DNM1L: variants seen among roughly 807,000 people sequenced by gnomAD.
The protein encoded by DNM1L is dynamin 1L.
In DNM1L, 33 loss-of-function variants were observed where a neutral mutation model predicts 92.8. The ratio of observed to expected loss-of-function variants is 0.36; its 90% CI spans 0.27 to 0.48. The LOEUF (loss-of-function observed/expected upper bound fraction) is 0.48. DNM1L is among the 20% of genes least tolerant of loss of function. DNM1L has a pLI of 0.99. For missense variants in DNM1L, 485 were observed against 888.8 expected (o/e 0.55, Z 5.78); for synonymous variants, 284 against 305.0 (o/e 0.93, Z 0.72).
intron 4 of DNM1L, among the ~76,000 whole-genome samples, chr12:32,710,682 AAAT>A (rs1439367049): frequency 6.6e-6 from 1 of 152,142 alleles, no homozygotes; most frequent in Non-Finnish European, 1.5e-5. Context: ...AAAGAATGTA[AAAT>A]AATACATGGT....
chr12:32,720,928 T>G lies in DNM1L; in HGVS notation c.872+133T>G, dbSNP rs139999934. 2.4e-4 allele frequency: 266 copies of G among 1,126,596 alleles called. 2 individuals carry two copies. The Middle Eastern group carries it at 3.8e-3, about 16-fold the overall frequency. 69.8% of individuals were successfully genotyped at this position (1,126,596 alleles called of 1,614,324 possible). On this transcript the variant is annotated intron_variant, in intron 8 of 19. Transcript: ENST00000549701. Reference sequence around the variant, plus strand: ...ACTTATGGTTTCTTATATAGTAGGTTCCTGAAGAGTAGATGTCTCTGTTTT... The same window carrying G: ...ACTTATGGTTTCTTATATAGTAGGTGCCTGAAGAGTAGATGTCTCTGTTTT...
At chr12:32,717,385 TATATA>T (rs1953489280) in intron 6 of DNM1L, among the ~76,000 whole-genome samples, 1 of 67,314 alleles carries the variant, frequency 1.5e-5, no homozygotes, top group African/African-American at 6.6e-5. Flanking sequence ...CTATATATAA[TATATA>T]GTATATATAA....
At chr12:32,699,518 C>T (rs1262538521) in intron 1 of DNM1L, among the ~76,000 whole-genome samples, 1 of 152,108 alleles carries the variant, frequency 6.6e-6, no homozygotes, top group Non-Finnish European at 1.5e-5. Flanking sequence ...CGGTATCCAT[C>T]TATCAAAGTA....
chr12:32,713,039 C>T (rs1175634348), intron 5 of DNM1L, among the ~76,000 whole-genome samples, 170 bp from the exon 6 acceptor site: 1 of 152,182 alleles, frequency 6.6e-6, no homozygotes, highest in Non-Finnish European at 1.5e-5. Flanking sequence ...CACTTTGAGA[C>T]TTGACACATT....
chr12:32,721,874 A>G (rs1398374691), intron 8 of DNM1L, among the ~76,000 whole-genome samples: 1 of 152,158 alleles, frequency 6.6e-6, no homozygotes, highest in East Asian at 1.9e-4. Context: ...GGTCAGGGAA[A>G]CACTACTTAG....
rs988711084 is a variant in DNM1L, at chr12:32,731,744, A to G, written c.1357-110A>G. ...GTTAGCCTGGCATGGTGGCTTCTAC[A>G]TGTAGTCTCAGCTACTTGGGAGGCT... On this transcript the variant is annotated intron_variant, in intron 11 of 19. Transcript: ENST00000549701. The surrounding 1 kb of genome is among the most constrained non-coding windows in gnomAD (Gnocchi z 5.1). 10 of 1,017,826 alleles carry G rather than the reference A, an allele frequency of 9.8e-6. No homozygotes were observed. The highest frequency in any genetic ancestry group is 1.6e-5 in the African/African-American group (1 of 62,486). The allele number at this position is 1,017,826 out of a possible 1,614,324, so 63.0% of individuals were successfully genotyped here. A position where few individuals can be genotyped will look rare whatever the true frequency, so the allele number is the denominator to read the frequency against.
intron 1 of DNM1L, among the ~76,000 whole-genome samples, chr12:32,683,509 C>T (rs1350080088): frequency 3.3e-5 from 5 of 150,798 alleles, no homozygotes; most frequent in Non-Finnish European, 7.4e-5. Context: ...TGAGCCACTG[C>T]ACCTAGCCTA....
At chr12:32,699,796 CAAAAA>C (rs34943495) in intron 1 of DNM1L, among the ~76,000 whole-genome samples, 2 of 73,592 alleles carry the variant, frequency 2.7e-5, no homozygotes, top group East Asian at 5.1e-4. Flanking sequence ...GACTCCATCT[CAAAAA>C]AAAAAAAAAA....
At chr12:32,718,122 G>GTA (rs971503746) in intron 6 of DNM1L, among the ~76,000 whole-genome samples, 3 of 134,762 alleles carry the variant, frequency 2.2e-5, no homozygotes, top group Non-Finnish European at 4.6e-5. Flanking sequence ...ATATAATATA[G>GTA]TATATATATT....
chr12:32,743,492 T>C lies in DNM1L; in HGVS notation c.*82T>C. The C allele has an allele frequency of 7.6e-7, 1 of 1,310,738 alleles. No individual in the cohort carries two copies. Among genetic ancestry groups the C allele is most frequent in the Non-Finnish European group, 1.1e-6 (1 of 911,496 alleles). 81.2% of individuals were successfully genotyped at this position (1,310,738 alleles called of 1,614,324 possible). ...CCTGAGTAGAATCTTATTTATGAAC[T>C]CCTGTGTATTGCAATGGTATGAATC... On this transcript the variant is annotated 3_prime_UTR_variant, in exon 20 of 20. Transcript: ENST00000549701.
chr12:32,704,442 C>T (rs924750234), intron 2 of DNM1L, among the ~76,000 whole-genome samples: 7 of 151,136 alleles, frequency 4.6e-5, no homozygotes, highest in East Asian at 2.0e-4. Flanking sequence ...CCCAGCTAAT[C>T]GGGAGGCTGA....
chr12:32,733,433 G>A (rs1202488284), intron 12 of DNM1L: 22 of 363,294 alleles, frequency 6.1e-5, no homozygotes, highest in Non-Finnish European at 9.0e-5. Context: ...TTAGGTAGAT[G>A]ACTATTTTTC....
chr12:32,707,548 T>G (rs1262245445), intron 3 of DNM1L, 135 bp downstream of exon 3: 1 of 611,490 alleles, frequency 1.6e-6, no homozygotes, highest in Non-Finnish European at 2.6e-6. Context: ...AAAATAAATC[T>G]TAGTAACATT....
rs968505110 is a variant in DNM1L, at chr12:32,679,638, C to T, written c.102+173C>T. The T allele has an allele frequency of 7.5e-6, 10 of 1,329,148 alleles. No individual in the cohort carries two copies. The African/African-American group carries it at 7.8e-5, about 10-fold the overall frequency. The allele number at this position is 1,329,148 out of a possible 1,614,324, so 82.3% of individuals were successfully genotyped here. A position where few individuals can be genotyped will look rare whatever the true frequency, so the allele number is the denominator to read the frequency against. On this transcript the variant is annotated intron_variant, in intron 1 of 19. Transcript: ENST00000549701. ...CTCTCCGGGCTCTGCCGCACCCGCCCTCCCGGGGCAGCGTTGCATCAAGGC... is the reference window on the plus strand; with the variant it reads ...CTCTCCGGGCTCTGCCGCACCCGCCTTCCCGGGGCAGCGTTGCATCAAGGC...
At chr12:32,688,764 C>T (rs533253386) in intron 1 of DNM1L, among the ~76,000 whole-genome samples, 1 of 152,300 alleles carries the variant, frequency 6.6e-6, no homozygotes, top group African/African-American at 2.4e-5. Context: ...TCTGCCTTAT[C>T]AGATATCTGA....
intron 1 of DNM1L, among the ~76,000 whole-genome samples, chr12:32,683,792 C>A (rs1951894021): frequency 6.6e-6 from 1 of 152,126 alleles, no homozygotes; most frequent in Non-Finnish European, 1.5e-5. Flanking sequence ...ATCCACTTGC[C>A]TTGGCCTCCC....
intron 1 of DNM1L, among the ~76,000 whole-genome samples, chr12:32,694,687 A>G (rs1952369328): frequency 6.6e-6 from 1 of 152,184 alleles, no homozygotes; most frequent in Admixed American, 6.5e-5. Context: ...GGAAAACCAA[A>G]AACACATAGA....
chr12:32,718,500 A>C (rs907419781), intron 6 of DNM1L, 143 bp from the exon 7 acceptor site: 4 of 1,031,944 alleles, frequency 3.9e-6, no homozygotes, highest in Non-Finnish European at 5.8e-6. Flanking sequence ...AGCACTGGTA[A>C]GTAAGGCATT....
Position 32,745,368 on chromosome 12 carries a change from A to G in DNM1L, c.*1958A>G. ...TTGAAAATTAAAGACATGCTATGGTAATGCACTTGCTAGTACTACACACTT... is the reference window on the plus strand; with the variant it reads ...TTGAAAATTAAAGACATGCTATGGTGATGCACTTGCTAGTACTACACACTT... On this transcript the variant is annotated 3_prime_UTR_variant, in exon 20 of 20. Coordinates refer to ENST00000549701, the MANE Select transcript of DNM1L (RefSeq NM_012062.5). The G allele has an allele frequency of 4.4e-6, 1 of 226,490 alleles. No individual in the cohort carries two copies. Among genetic ancestry groups the G allele is most frequent in the Non-Finnish European group, 8.7e-6 (1 of 115,600 alleles). The allele number at this position is 226,490 out of a possible 1,614,324, so 14.0% of individuals were successfully genotyped here. A position where few individuals can be genotyped will look rare whatever the true frequency, so the allele number is the denominator to read the frequency against.
Sources: allele counts gnomAD v4.1 joint callset (sites outside exome capture counted in the v4.1 genomes callset), GRCh38; gene constraint gnomAD v4.1.1; non-coding constraint Gnocchi (gnomAD v3.1); transcripts MANE v1.5; gene names NCBI Gene and HGNC (gene_info 2026-07-23, HGNC 2026-07-21).